Variants in PLA2G3 observed in about 807,000 individuals in gnomAD.
PLA2G3 encodes phospholipase A2 group III, also known as group 3 secretory phospholipase A2.
PLA2G3 carries 39 observed loss-of-function variants against 51.3 expected under a neutral mutation model. That is an observed-to-expected ratio of 0.76 (90% CI 0.59 to 0.99). The LOEUF is 0.99. Ranked by LOEUF, PLA2G3 falls within the 50% of genes least tolerant of loss-of-function variation. The pLI is 0.00. For missense variants in PLA2G3, 677 were observed against 662.1 expected, an observed-to-expected ratio of 1.02 and a Z score of -0.25; for synonymous variants, 293 against 263.1, an observed-to-expected ratio of 1.11 and a Z score of -1.10.
In PLA2G3 at chr22:31,138,286, A is replaced by G. The variant is rs144501760; in HGVS notation, c.772T>C (p.Trp258Arg). 1.2e-6 allele frequency: 2 copies of G among 1,613,636 alleles called. No homozygotes were observed. Among genetic ancestry groups the G allele is most frequent in the African/African-American group, 2.7e-5 (2 of 74,910 alleles). The change falls in exon 3 of 7, where the codon TGG becomes CGG. Residue 258 changes from tryptophan (W) to arginine (R), a missense_variant. By Grantham distance (101) the Trp-to-Arg change is moderately radical. Transcript: ENST00000215885. ...GGGGTGGCCACGTACCCGCCCCACC[A>G]GTACCACGCCACACACGCCTCCTGC... is the stretch of plus-strand genomic sequence containing the variant. The part of the protein sequence containing the change: ...EEQEACVAWY[W>R]WGGCRMYGTV...
At chr22:31,138,610 G>T in intron 2 of PLA2G3, 57 bp downstream of exon 2, 4 of 1,586,686 alleles carry the variant, frequency 2.5e-6, no homozygotes, top group South Asian at 2.2e-5. Context: ...AGTTACCCAG[G>T]AACTGGGTAA....
Position 31,139,905 on chromosome 22 carries a change from T to C in PLA2G3, c.450A>G (p.Gly150=), listed in dbSNP as rs1366041836. ...PGGGHQREKR[G]WTMPGTLWCG... The stretch of plus-strand genomic sequence containing the variant: ...ACCACAGTGTGCCAGGCATGGTCCA[T>C]CCTCTCTTCTCTCGCTGGTGCCCTC... The change falls in exon 1 of 7, where the codon GGA becomes GGG. Residue 150 remains glycine (G), a synonymous_variant. Transcript: ENST00000215885. The C allele has an allele frequency of 1.2e-6, 2 of 1,613,574 alleles. No individual in the cohort carries two copies. The highest frequency in any genetic ancestry group is 1.3e-5 in the African/African-American group (1 of 74,768).
chr22:31,138,536 T>C, intron 2 of PLA2G3, 126 bp from the exon 3 acceptor site: 2 of 1,499,232 alleles, frequency 1.3e-6, no homozygotes, highest in Non-Finnish European at 1.8e-6. Context: ...GGCCTCAGCT[T>C]TCCTACCTGC....
intron 1 of PLA2G3, among the ~76,000 whole-genome samples, chr22:31,139,279 T>A (rs976777863): frequency 5.9e-5 from 9 of 152,160 alleles, no homozygotes; most frequent in African/African-American, 2.2e-4. Context: ...TCTGTACTGA[T>A]AGTGCAAGAA....
chr22:31,140,502 G>T lies in PLA2G3; in HGVS notation c.-148C>A, dbSNP rs1922843131. 8 of 848,986 alleles carry T rather than the reference G, an allele frequency of 9.4e-6. No homozygotes were observed. The allele number at this position is 848,986 out of a possible 1,614,324, so 52.6% of individuals were successfully genotyped here. A position where few individuals can be genotyped will look rare whatever the true frequency, so the allele number is the denominator to read the frequency against. ...ATGAATGGAGCTGCGGGAGGAGGAG[G>T]AAAGAGGCTGGAGTATGGGGTGATC... is the stretch of plus-strand genomic sequence containing the variant. On this transcript the variant is annotated 5_prime_UTR_variant, in exon 1 of 7. Coordinates refer to ENST00000215885, the MANE Select transcript of PLA2G3 (RefSeq NM_015715.5).
At chr22:31,138,185 AAGAC>A (rs1212598786) in intron 3 of PLA2G3, 87 bp downstream of exon 3, 22 of 1,492,638 alleles carry the variant, frequency 1.5e-5, no homozygotes, top group Non-Finnish European at 1.9e-5. Flanking sequence ...CATTCCCTGG[AAGAC>A]AGACAGACAG....
rs752315426 is a variant in PLA2G3, at chr22:31,138,675, A to G, written c.639T>C (p.Cys213=). ...YRFHTISHCD[C]DTRFQQCLQN... ...CGCTGCCTGCCACCAACCTGGTGTC[A>G]CAGTCACAGTGGGAGATGGTGTGGA... is the stretch of plus-strand genomic sequence containing the variant. The change falls in exon 2 of 7, where the codon TGT becomes TGC. Residue 213 remains cysteine (C), a synonymous_variant. Transcript: ENST00000215885. 10 of 1,614,136 alleles carry G rather than the reference A, an allele frequency of 6.2e-6. No homozygotes were observed. Among genetic ancestry groups the G allele is most frequent in the Non-Finnish European group, 6.8e-6 (8 of 1,180,002 alleles).
chr22:31,136,522 T>G (rs1922570319), intron 6 of PLA2G3, among the ~76,000 whole-genome samples, 161 bp downstream of exon 6: 1 of 152,174 alleles, frequency 6.6e-6, no homozygotes, highest in South Asian at 2.1e-4. Context: ...ACTGCAGAGC[T>G]GGACCTGGGG....
chr22:31,137,301 C>T (rs944130673), intron 4 of PLA2G3, among the ~76,000 whole-genome samples: 1 of 152,296 alleles, frequency 6.6e-6, no homozygotes, highest in Admixed American at 6.5e-5. Context: ...TTCCAGGAGG[C>T]ATAGGCTGCT....
chr22:31,137,575 G>A, intron 4 of PLA2G3, 135 bp downstream of exon 4: 1 of 809,720 alleles, frequency 1.2e-6, no homozygotes, highest in South Asian at 1.7e-5. Flanking sequence ...GTGCTGCAGT[G>A]TGATTTCATG....
rs1360212746 is a variant in PLA2G3, at chr22:31,136,678, C to G, written c.1316+5G>C. On this transcript the variant is annotated splice_donor_5th_base_variant and intron_variant, in intron 6 of 6. Transcript: ENST00000215885. ...CCCATCCCTCCTGGCTCTGACATCA[C>G]TTACTTTTTGCCTTCCACACAGTCC... The G allele has an allele frequency of 6.2e-7, 1 of 1,611,798 alleles. No homozygotes were observed.
chr22:31,135,729 G>T lies in PLA2G3; in HGVS notation c.1524C>A (p.Ser508Arg). 6.2e-7 allele frequency: 1 copy of T among 1,612,564 alleles called. No individual in the cohort carries two copies. Among genetic ancestry groups the T allele is most frequent in the Non-Finnish European group, 8.5e-7 (1 of 1,179,268 alleles). Residue 508 changes from serine to arginine, a missense_variant, in exon 7 of 7, where the codon AGC becomes AGA. By Grantham distance (110) the Ser-to-Arg change is moderately radical. Transcript: ENST00000215885. ...RRPDRQQKSW[S>R]Q The stretch of plus-strand genomic sequence containing the variant: ...AGGAAAGCTGAAACTGAGGTCACTG[G>T]CTCCAGGACTTCTGCTGCCTGTCGG...
chr22:31,138,840 T>C lies in PLA2G3; in HGVS notation c.515-41A>G, dbSNP rs1205384650. The C allele has an allele frequency of 3.1e-6, 5 of 1,609,340 alleles. No individual in the cohort carries two copies. In the East Asian group the frequency reaches 1.1e-4, roughly 36 times the overall value. On this transcript the variant is annotated intron_variant, in intron 1 of 6. Coordinates refer to ENST00000215885, the MANE Select transcript of PLA2G3 (RefSeq NM_015715.5). ...GGGAGAGGGCACCAACTCAGCAGGG[T>C]CCTAGGCATCATGCACCAGCTATGC... is the stretch of plus-strand genomic sequence containing the variant.
rs112107449 is a variant in PLA2G3 at position 31,137,838 on chromosome 22, G to C, written c.938C>G (p.Pro313Arg). ...GGGGCGCTTGGACCCTTTCTGATGTGGTGGCCCCTTCCGAAGGTGCTGCTT... is the reference window on the plus strand; with the variant it reads ...GGGGCGCTTGGACCCTTTCTGATGTCGTGGCCCCTTCCGAAGGTGCTGCTT... Reference protein sequence around the residue: ...RQKQHLRKGPPHQKGSKRPSK... With the variant: ...RQKQHLRKGPRHQKGSKRPSK... The change falls in exon 4 of 7, where the codon CCA becomes CGA. Residue 313 changes from proline to arginine, a missense_variant. By Grantham distance (103) the Pro-to-Arg change is moderately radical. Coordinates refer to ENST00000215885, the MANE Select transcript of PLA2G3 (RefSeq NM_015715.5). 5.0e-6 allele frequency: 8 copies of C among 1,614,124 alleles called. No individual in the cohort carries two copies. The highest frequency in any genetic ancestry group is 1.3e-5 in the African/African-American group (1 of 75,052).
At chr22:31,136,235 AGTG>A (rs1040812634) in intron 6 of PLA2G3, among the ~76,000 whole-genome samples, 2 of 152,200 alleles carry the variant, frequency 1.3e-5, no homozygotes, top group Non-Finnish European at 2.9e-5. Context: ...AGCAGAGCAC[AGTG>A]GCTCACGCCT....
Position 31,136,537 on chromosome 22 carries a change from AG to A in PLA2G3, c.1316+145del. 4.6e-6 allele frequency: 3 copies of A among 657,060 alleles called. No individual in the cohort carries two copies. In the East Asian group the frequency reaches 8.2e-5, roughly 18 times the overall value. 40.7% of individuals were successfully genotyped at this position (657,060 alleles called of 1,614,324 possible). On this transcript the variant is annotated intron_variant, in intron 6 of 6. Transcript: ENST00000215885. Reference sequence around the variant, plus strand: ...ACTGCAGAGCTGGACCTGGGGCAGCAGGGGGTAGAGGGATGAGGCTATGGAT... The same window carrying A: ...ACTGCAGAGCTGGACCTGGGGCAGCAGGGGTAGAGGGATGAGGCTATGGAT...
At chr22:31,138,053 G>C in intron 3 of PLA2G3, 60 bp from the exon 4 acceptor site, 1 of 1,494,418 alleles carries the variant, frequency 6.7e-7, no homozygotes, top group Non-Finnish European at 8.9e-7. Context: ...GAAGCCCCCA[G>C]GGTCGTCTCC....
chr22:31,137,458 C>A (rs1922641290), intron 4 of PLA2G3, among the ~76,000 whole-genome samples: 1 of 152,126 alleles, frequency 6.6e-6, no homozygotes. Context: ...AGGGCCAAGG[C>A]TTGAGGGCCT....
chr22:31,140,495 G>A lies in PLA2G3; in HGVS notation c.-141C>T, dbSNP rs917599898. On this transcript the variant is annotated 5_prime_UTR_variant, in exon 1 of 7. Transcript: ENST00000215885. ...GGGACCAATGAATGGAGCTGCGGGA[G>A]GAGGAGGAAAGAGGCTGGAGTATGG... 8 of 928,256 alleles carry A rather than the reference G, an allele frequency of 8.6e-6. No homozygotes were observed. Among genetic ancestry groups the A allele is most frequent in the Admixed American group, 8.2e-5 (3 of 36,794 alleles). The allele number at this position is 928,256 out of a possible 1,614,324, so 57.5% of individuals were successfully genotyped here.
Sources: allele counts gnomAD v4.1 joint callset (sites outside exome capture counted in the v4.1 genomes callset), GRCh38; gene constraint gnomAD v4.1.1; transcripts MANE v1.5; gene names NCBI Gene and HGNC (gene_info 2026-07-23, HGNC 2026-07-21).